Variants in DPP6 observed in about 807,000 individuals in gnomAD.
DPP6 encodes the protein dipeptidyl peptidase like 6, also known as A-type potassium channel modulatory protein DPP6.
In DPP6, 69 loss-of-function variants were observed where a neutral mutation model predicts 122.6. That is an observed-to-expected ratio of 0.56 (90% CI 0.46 to 0.69). DPP6 has a LOEUF of 0.69. DPP6 is among the 30% of genes least tolerant of loss of function. The pLI is 0.00. For synonymous variants in DPP6, 418 were observed against 433.1 expected (o/e 0.97, Z 0.43); for missense variants, 928 against 1,116.9 (o/e 0.83, Z 2.41).
chr7:154,673,877 C>T (rs7793577), intron 7 of DPP6, among the ~76,000 whole-genome samples: 1 of 148,644 alleles, frequency 6.7e-6, no homozygotes, highest in Non-Finnish European at 1.5e-5. Context: ...CTCCATGTTT[C>T]TTTCTTTTTT....
intron 5 of DPP6, among the ~76,000 whole-genome samples, chr7:154,626,044 G>A (rs1487056949): frequency 6.6e-6 from 1 of 152,136 alleles, no homozygotes; most frequent in Non-Finnish European, 1.5e-5. Context: ...GTTTCTCAGT[G>A]GCCGCCAGTA....
At chr7:153,977,109 CT>C (rs972115531) in intron 1 of DPP6, among the ~76,000 whole-genome samples, 3 of 151,982 alleles carry the variant, frequency 2.0e-5, no homozygotes, top group South Asian at 2.1e-4. Flanking sequence ...TGTTTTCTTT[CT>C]TTTTTTTCTC....
intron 6 of DPP6, among the ~76,000 whole-genome samples, chr7:154,646,277 C>T (rs1218760513): frequency 6.6e-6 from 1 of 152,100 alleles, no homozygotes; most frequent in African/African-American, 2.4e-5. Context: ...TGAGTTTTGC[C>T]TCTGAGGTTT....
At chr7:154,334,694 G>T (rs114600696) in intron 1 of DPP6, among the ~76,000 whole-genome samples, 3,776 of 152,236 alleles carry the variant, frequency 0.025, 139 homozygotes, top group African/African-American at 0.084. Context: ...TCAGAAGTTC[G>T]AGATCAGTCT....
intron 5 of DPP6, among the ~76,000 whole-genome samples, chr7:154,631,055 A>G (rs1227694820): frequency 6.6e-6 from 1 of 152,246 alleles, no homozygotes; most frequent in East Asian, 1.9e-4. Flanking sequence ...CCATGTGGAA[A>G]GGTCCAGCCC....
chr7:154,485,784 T>C (rs1446104836), intron 3 of DPP6, among the ~76,000 whole-genome samples: 1 of 152,124 alleles, frequency 6.6e-6, no homozygotes, highest in African/African-American at 2.4e-5. Flanking sequence ...CTGAAACCCA[T>C]GGAGGCAGGA....
chr7:154,305,512 G>A (rs1445189160), intron 1 of DPP6: 8 of 1,604,636 alleles, frequency 5.0e-6, no homozygotes, highest in South Asian at 2.2e-5. Flanking sequence ...CAGCCAAGGA[G>A]CCAAGCGCTT....
At chr7:153,921,682 T>A (rs1223494731) in intron 1 of DPP6, among the ~76,000 whole-genome samples, 1 of 152,102 alleles carries the variant, frequency 6.6e-6, no homozygotes, top group Non-Finnish European at 1.5e-5. Context: ...AATAGCAGAG[T>A]GAGAATTAAA....
At position 154,806,527 on chromosome 7, in the gene DPP6, G is replaced by A. The variant is rs536176563; in HGVS notation, c.1548-467G>A. ...GAAGCTGCCAGAGTTCAATTCCACT[G>A]GTGCTGCTGGAGCCCCTGCCTGCTC... is the stretch of plus-strand genomic sequence containing the variant. On this transcript the variant is annotated intron_variant, in intron 15 of 25. Coordinates refer to ENST00000377770, the MANE Select transcript of DPP6 (RefSeq NM_130797.4). Among the ~76,000 whole-genome samples the A allele has an allele frequency of 2.6e-5, 4 of 152,266 alleles. No homozygotes were observed. In the South Asian group the frequency reaches 8.3e-4, roughly 32 times the overall value.
chr7:153,921,127 C>T (rs575848320), intron 1 of DPP6, among the ~76,000 whole-genome samples: 1 of 152,234 alleles, frequency 6.6e-6, no homozygotes, highest in Non-Finnish European at 1.5e-5. Context: ...CCACTTGTGG[C>T]TGTGTCTCTC....
chr7:154,794,570 C>A (rs901794160), intron 11 of DPP6, among the ~76,000 whole-genome samples: 1 of 152,240 alleles, frequency 6.6e-6, no homozygotes, highest in Non-Finnish European at 1.5e-5. Context: ...CCTGCCTTTC[C>A]CCAGACCCCG....
chr7:154,668,014 G>C lies in DPP6; in HGVS notation c.681-1346G>C, dbSNP rs369639949. On this transcript the variant is annotated intron_variant, in intron 6 of 25. Transcript: ENST00000377770. ...TTTTTCCTGGTAGTTTTATTCAGCC[G>C]TTGCTTTTGTATTTTCTATTGATTC... 2.5e-4 allele frequency among the ~76,000 whole-genome samples: 37 copies of C among 150,436 alleles called. No individual in the cohort carries two copies. The East Asian group carries it at 5.8e-3, about 23-fold the overall frequency.
At chr7:154,228,955 G>C (rs1241326884) in intron 1 of DPP6, among the ~76,000 whole-genome samples, 1 of 152,182 alleles carries the variant, frequency 6.6e-6, no homozygotes, top group Admixed American at 6.5e-5. Flanking sequence ...AATCAGTATG[G>C]TAAGGTGAAT....
At chr7:154,587,539 T>C in intron 5 of DPP6, 4 of 1,187,874 alleles carry the variant, frequency 3.4e-6, no homozygotes, top group African/African-American at 1.5e-5. Flanking sequence ...ACATTGCCCA[T>C]TGATTTTTGT....
chr7:154,893,158 G>A lies in DPP6; in HGVS notation c.*678G>A. 3 of 341,152 alleles carry A rather than the reference G, an allele frequency of 8.8e-6. No homozygotes were observed. Among genetic ancestry groups the A allele is most frequent in the South Asian group, 6.7e-5 (3 of 44,548 alleles). The allele number at this position is 341,152 out of a possible 1,614,324, so 21.1% of individuals were successfully genotyped here. A position where few individuals can be genotyped will look rare whatever the true frequency, so the allele number is the denominator to read the frequency against. On this transcript the variant is annotated 3_prime_UTR_variant, in exon 26 of 26. Coordinates refer to ENST00000377770, the MANE Select transcript of DPP6 (RefSeq NM_130797.4). The stretch of plus-strand genomic sequence containing the variant: ...GTTTTGCTGTTTGGGGTTGGGCCTT[G>A]TTTCCCTTTCCTTTCTCCAGTCCAC...
intron 1 of DPP6, among the ~76,000 whole-genome samples, chr7:154,318,217 C>T (rs77827555): frequency 1.3e-4 from 20 of 152,300 alleles, no homozygotes; most frequent in African/African-American, 4.8e-4. Flanking sequence ...AAAATATTCA[C>T]AGAGATTATG....
the DPP6 span, among the ~76,000 whole-genome samples, chr7:153,863,426 G>A: frequency 1.2e-4 from 18 of 152,138 alleles, no homozygotes; most frequent in African/African-American, 4.3e-4. Context: ...AACCTTCCAA[G>A]TGCAAAATCT....
At chr7:154,571,460 G>T (rs924153036) in intron 5 of DPP6, among the ~76,000 whole-genome samples, 11 of 152,118 alleles carry the variant, frequency 7.2e-5, no homozygotes, top group African/African-American at 2.4e-4. Flanking sequence ...ATTATTGAGA[G>T]CCTAAAAAGT....
Position 154,706,494 on chromosome 7 carries a change from C to G in DPP6, c.763-21273C>G, listed in dbSNP as rs542770653. ...GATGCCTGGCCAGGCCACTCCTAGT[C>G]AGCCCCTGGAGGCTCAGTGACTCCC... On this transcript the variant is annotated intron_variant, in intron 7 of 25. Transcript: ENST00000377770. 4.1e-4 allele frequency among the ~76,000 whole-genome samples: 63 copies of G among 152,270 alleles called. 1 individual carries two copies. The highest frequency in any genetic ancestry group is 1.2e-3 in the Admixed American group (18 of 15,296).
Sources: allele counts gnomAD v4.1 joint callset (sites outside exome capture counted in the v4.1 genomes callset), GRCh38; gene constraint gnomAD v4.1.1; transcripts MANE v1.5; gene names NCBI Gene and HGNC (gene_info 2026-07-23, HGNC 2026-07-21).